The following MGLL variants were observed in gnomAD, a reference collection of about 807,000 sequenced individuals.
MGLL encodes the protein lysophospholipase homolog.
A neutral mutation model predicts 29.1 loss-of-function variants in MGLL; 7 were observed. That is an observed-to-expected ratio of 0.24 (90% CI 0.14 to 0.45). The LOEUF (loss-of-function observed/expected upper bound fraction) is 0.45. MGLL is among the 20% of genes least tolerant of loss of function. MGLL has a pLI of 0.99. For synonymous variants in MGLL, 148 were observed against 168.3 expected, an observed-to-expected ratio of 0.88 and a Z score of 0.93; for missense variants, 356 against 413.6, an observed-to-expected ratio of 0.86 and a Z score of 1.21.
At chr3:127,747,063 C>T (rs2076460359) in intron 3 of MGLL, among the ~76,000 whole-genome samples, 1 of 152,226 alleles carries the variant, frequency 6.6e-6, no homozygotes, top group African/African-American at 2.4e-5. Context: ...GTCCCTGTCT[C>T]TGTTCCCTTC....
rs2075219409 is a variant in MGLL, at chr3:127,690,284, A to G, written c.*1914T>C. On this transcript the variant is annotated 3_prime_UTR_variant, in exon 8 of 8. Coordinates refer to ENST00000265052, the MANE Select transcript of MGLL (RefSeq NM_007283.7). The stretch of plus-strand genomic sequence containing the variant: ...TGCATATTTTACATTTTTCTCCTTC[A>G]AAGAGAAGCCAGGGAGACAAGCTGG... 1 of 152,126 alleles carries G rather than the reference A, an allele frequency of 6.6e-6. No homozygotes were observed. The allele number at this position is 152,126 out of a possible 1,614,324, so 9.4% of individuals were successfully genotyped here.
rs563207794 is a variant in MGLL at position 127,775,689 on chromosome 3, G to T, written c.262+6100C>A. Among the ~76,000 whole-genome samples, 6 of 152,340 alleles carry T rather than the reference G, an allele frequency of 3.9e-5. No homozygotes were observed. In the East Asian group the frequency reaches 1.2e-3, roughly 29 times the overall value. ...GTTGAGGATGGTTCGTTTATACTTT[G>T]TAAATACAGAGGAGGCTTCTCTGGC... On this transcript the variant is annotated intron_variant, in intron 3 of 7. Coordinates refer to ENST00000265052, the MANE Select transcript of MGLL (RefSeq NM_007283.7).
chr3:127,715,577 T>A lies in MGLL; in HGVS notation c.511-4912A>T, dbSNP rs542092641. 348 of 423,136 alleles carry A rather than the reference T, an allele frequency of 8.2e-4. 2 individuals carry two copies. Among genetic ancestry groups the A allele is most frequent in the East Asian group, 7.8e-4 (11 of 14,084 alleles). The allele number at this position is 423,136 out of a possible 1,614,324, so 26.2% of individuals were successfully genotyped here. On this transcript the variant is annotated intron_variant, in intron 5 of 7. Coordinates refer to ENST00000265052, the MANE Select transcript of MGLL (RefSeq NM_007283.7). ...TTAAGATTTGTTGATTTCATGAGCC[T>A]AATCTCTCCTGAAGGAGGAAAGGGT...
chr3:127,796,481 G>A (rs1393067874), intron 2 of MGLL, among the ~76,000 whole-genome samples: 1 of 152,180 alleles, frequency 6.6e-6, no homozygotes, highest in Non-Finnish European at 1.5e-5. Context: ...ATGCATTAGG[G>A]TTGCCAAAAT....
intron 5 of MGLL, among the ~76,000 whole-genome samples, chr3:127,720,417 C>T (rs914416124): frequency 3.9e-5 from 6 of 152,220 alleles, no homozygotes; most frequent in African/African-American, 1.2e-4. Context: ...AGCCGCCCTA[C>T]CGAGGCCACT....
At chr3:127,803,248 G>A (rs2077509739) in intron 2 of MGLL, among the ~76,000 whole-genome samples, 1 of 151,540 alleles carries the variant, frequency 6.6e-6, no homozygotes, top group Non-Finnish European at 1.5e-5. Flanking sequence ...CCAAAGTGCT[G>A]AGATTACAGG....
Position 127,695,083 on chromosome 3 carries a change from C to T in MGLL, c.708G>A (p.Lys236=). ...GGAGCAGCAGGAAGGGCACAGTCAGCTTGGGGAGGGCGCGCTCCACCCGTG... is the reference window on the plus strand; with the variant it reads ...GGAGCAGCAGGAAGGGCACAGTCAGTTTGGGGAGGGCGCGCTCCACCCGTG... ...AVSRVERALP[K]LTVPFLLLQG... is the part of the protein sequence containing the mutation. Residue 236 remains lysine, a synonymous_variant, in exon 7 of 8, where the codon AAG becomes AAA. Transcript: ENST00000265052. 1 of 1,614,136 alleles carries T rather than the reference C, an allele frequency of 6.2e-7. No homozygotes were observed. The highest frequency in any genetic ancestry group is 8.5e-7 in the Non-Finnish European group (1 of 1,180,020).
chr3:127,747,175 G>T lies in MGLL; in HGVS notation c.263-24609C>A, dbSNP rs570615428. On this transcript the variant is annotated intron_variant, in intron 3 of 7. Coordinates refer to ENST00000265052, the MANE Select transcript of MGLL (RefSeq NM_007283.7). ...TGATGGGCTGTTGGGAACATCTGGA[G>T]ATTTGGTCTGGGACTCAGGGGAAGT... is the stretch of plus-strand genomic sequence containing the variant. Among the ~76,000 whole-genome samples the T allele has an allele frequency of 2.0e-4, 30 of 152,238 alleles. No individual in the cohort carries two copies. The East Asian group carries it at 4.8e-3, about 25-fold the overall frequency.
At chr3:127,750,300 A>C (rs113254354) in intron 3 of MGLL, among the ~76,000 whole-genome samples, 3,374 of 152,218 alleles carry the variant, frequency 0.022, 140 homozygotes, top group African/African-American at 0.076. Flanking sequence ...GGTCTGGGAC[A>C]CTGGGCTAGG....
At chr3:127,700,924 T>G (rs1359429854) in intron 6 of MGLL, among the ~76,000 whole-genome samples, 1 of 152,012 alleles carries the variant, frequency 6.6e-6, no homozygotes, top group African/African-American at 2.4e-5. Context: ...CAAATAAGAA[T>G]GTACCGTAGC....
chr3:127,750,082 G>T (rs890840241), intron 3 of MGLL, among the ~76,000 whole-genome samples: 4 of 152,140 alleles, frequency 2.6e-5, no homozygotes, highest in Non-Finnish European at 5.9e-5. Flanking sequence ...GACACAGGTG[G>T]TGGGAGCTGA....
intron 6 of MGLL, among the ~76,000 whole-genome samples, chr3:127,696,103 G>T (rs994233000): frequency 1.3e-5 from 2 of 152,204 alleles, no homozygotes; most frequent in Admixed American, 6.5e-5. Context: ...GGCTACACAG[G>T]GTGGTCAGAC....
intron 3 of MGLL, among the ~76,000 whole-genome samples, chr3:127,767,014 G>A (rs1263195713): frequency 6.6e-6 from 1 of 152,068 alleles, no homozygotes; most frequent in Non-Finnish European, 1.5e-5. Flanking sequence ...GAGATTGCAG[G>A]TAGGGCCGAG....
At chr3:127,779,403 T>G (rs1031582671) in intron 3 of MGLL, among the ~76,000 whole-genome samples, 12 of 151,994 alleles carry the variant, frequency 7.9e-5, no homozygotes, top group African/African-American at 2.7e-4. Context: ...ATAAAAGCTA[T>G]GTTGGAAAGA....
chr3:127,720,963 T>C (rs2075906914), intron 5 of MGLL, 90 bp downstream of exon 5: 3 of 1,126,452 alleles, frequency 2.7e-6, no homozygotes, highest in Non-Finnish European at 4.0e-6. Context: ...AGGATGGCCT[T>C]TGGTCTTTTT....
At chr3:127,784,301 G>A (rs2077177906) in intron 2 of MGLL, among the ~76,000 whole-genome samples, 2 of 152,176 alleles carry the variant, frequency 1.3e-5, no homozygotes, top group South Asian at 4.1e-4. Context: ...GGTTTAATTG[G>A]TCTGAGGTTA....
intron 7 of MGLL, 84 bp downstream of exon 7, chr3:127,694,891 G>A (rs1175378335): frequency 2.9e-6 from 4 of 1,392,262 alleles, no homozygotes; most frequent in Admixed American, 3.4e-5. Context: ...GCCCTCGAGG[G>A]TCTGGGCAGA....
At chr3:127,763,542 CGGCCATCT>C (rs1559953940) in intron 3 of MGLL, among the ~76,000 whole-genome samples, 1 of 152,212 alleles carries the variant, frequency 6.6e-6, no homozygotes, top group East Asian at 1.9e-4. Flanking sequence ...ACAGCAGCCA[CGGCCATCT>C]GGATCTCGGA....
At chr3:127,746,546 G>C (rs1483982985) in intron 3 of MGLL, among the ~76,000 whole-genome samples, 3 of 152,002 alleles carry the variant, frequency 2.0e-5, no homozygotes, top group African/African-American at 7.3e-5. Flanking sequence ...GTTTCATTTG[G>C]CTCCAGGTCC....
Sources: gnomAD v4.1 joint callset for allele counts (sites outside exome capture counted in the v4.1 genomes callset) on GRCh38, gnomAD v4.1.1 for gene constraint, MANE v1.5 for transcripts, NCBI Gene and HGNC (gene_info 2026-07-23, HGNC 2026-07-21) for gene names.